The following SVOP variants were observed in gnomAD, a reference collection of about 807,000 sequenced individuals.
The protein encoded by SVOP is synaptic vesicle 2-related protein.
Under a neutral mutation model 69.1 loss-of-function variants are expected in SVOP, and 17 were observed. The observed-to-expected ratio is 0.25, with a 90% CI of 0.17 to 0.37. The LOEUF (loss-of-function observed/expected upper bound fraction) is 0.37. SVOP is among the 10% of genes least tolerant of loss of function. The pLI is 1.00. For synonymous variants in SVOP, 238 were observed against 238.6 expected (o/e 1.00, Z 0.02); for missense variants, 435 against 597.5 (o/e 0.73, Z 2.84).
At chr12:108,958,292 C>G (rs760728871) in intron 6 of SVOP, among the ~76,000 whole-genome samples, 2 of 139,224 alleles carry the variant, frequency 1.4e-5, no homozygotes, top group African/African-American at 2.5e-5. Context: ...GTGTAAGGTA[C>G]CATGCCTGGC....
intron 1 of SVOP, among the ~76,000 whole-genome samples, chr12:109,017,833 T>G (rs1412633774): frequency 6.6e-6 from 1 of 152,086 alleles, no homozygotes; most frequent in Admixed American, 6.6e-5. Flanking sequence ...CATGACCCAC[T>G]GCACCTGGCC....
chr12:109,009,962 T>G (rs2040331438), intron 1 of SVOP, among the ~76,000 whole-genome samples: 1 of 151,756 alleles, frequency 6.6e-6, no homozygotes, highest in Non-Finnish European at 1.5e-5. Flanking sequence ...GAGATACTAT[T>G]AATAATTACA....
chr12:108,945,489 T>C (rs1030489665), intron 6 of SVOP, among the ~76,000 whole-genome samples: 10 of 152,114 alleles, frequency 6.6e-5, no homozygotes, highest in Non-Finnish European at 1.5e-4. Flanking sequence ...ACTCCTGGGC[T>C]CAAGTGATCC....
At chr12:108,953,252 G>T (rs1474124949) in intron 6 of SVOP, among the ~76,000 whole-genome samples, 2 of 146,696 alleles carry the variant, frequency 1.4e-5, no homozygotes, top group Non-Finnish European at 3.0e-5. Context: ...GGGTTCAAGC[G>T]ATTCTCCTGC....
chr12:108,945,728 T>A (rs1015209096), intron 6 of SVOP, among the ~76,000 whole-genome samples: 7 of 152,150 alleles, frequency 4.6e-5, no homozygotes, highest in African/African-American at 1.4e-4. Context: ...TCAAATTTCC[T>A]AACTGCTGCC....
chr12:108,988,708 G>A (rs998463829), intron 1 of SVOP, among the ~76,000 whole-genome samples: 3 of 149,782 alleles, frequency 2.0e-5, no homozygotes, highest in African/African-American at 4.9e-5. Context: ...TCCCTTGAGA[G>A]ATTCTATATG....
chr12:108,964,369 T>C (rs2040033600), intron 5 of SVOP, among the ~76,000 whole-genome samples: 2 of 151,890 alleles, frequency 1.3e-5, no homozygotes, highest in Admixed American at 1.3e-4. Context: ...ATCCCTTTCT[T>C]TTGGCTTAAG....
chr12:108,948,022 G>A (rs2039934615), intron 6 of SVOP, among the ~76,000 whole-genome samples: 1 of 152,106 alleles, frequency 6.6e-6, no homozygotes, highest in African/African-American at 2.4e-5. Flanking sequence ...AACTGAAGCT[G>A]CATCACCCCA....
intron 1 of SVOP, among the ~76,000 whole-genome samples, chr12:109,018,273 T>C (rs1315524077): frequency 6.6e-6 from 1 of 152,208 alleles, no homozygotes; most frequent in African/African-American, 2.4e-5. Flanking sequence ...CTCCTCTATG[T>C]GGTGCTGTCC....
At position 108,974,574 on chromosome 12, in the gene SVOP, T is replaced by TA. The variant is rs574036134; in HGVS notation, c.382-2099dup. 4.5e-3 allele frequency among the ~76,000 whole-genome samples: 682 copies of TA among 151,692 alleles called. 9 individuals carry two copies. Among genetic ancestry groups the TA allele is most frequent in the African/African-American group, 0.016 (652 of 41,332 alleles). On this transcript the variant is annotated intron_variant, in intron 4 of 15. Coordinates refer to ENST00000610966, the MANE Select transcript of SVOP (RefSeq NM_018711.5). Reference sequence around the variant, plus strand: ...GGTGAAACTCTGTCTCTACTAAAAGTAAAAAAATTAGCTGGGCATGGTGGC... The same window carrying TA: ...GGTGAAACTCTGTCTCTACTAAAAGTAAAAAAAATTAGCTGGGCATGGTGGC...
At chr12:108,934,354 G>A (rs1258877164) in intron 10 of SVOP, 83 bp from the exon 11 acceptor site, 3 of 1,172,402 alleles carry the variant, frequency 2.6e-6, no homozygotes, top group African/African-American at 3.1e-5. Flanking sequence ...AAGGGCCAAT[G>A]TCTACAGCAG....
rs1008119028 is a variant in SVOP, at chr12:108,988,962, G to A, written c.36-5201C>T. On this transcript the variant is annotated intron_variant, in intron 1 of 15. Transcript: ENST00000610966. ...TAATTTTTGTATTTTTAGTAAAGAC[G>A]GGGTTTCACCATATTGGCCAGGCTG... is the stretch of plus-strand genomic sequence containing the variant. 6.0e-5 allele frequency among the ~76,000 whole-genome samples: 9 copies of A among 151,040 alleles called. No individual in the cohort carries two copies. The South Asian group carries it at 1.0e-3, about 18-fold the overall frequency.
chr12:108,972,829 T>C (rs957050061), intron 4 of SVOP, among the ~76,000 whole-genome samples: 91 of 152,332 alleles, frequency 6.0e-4, no homozygotes, highest in Non-Finnish European at 4.7e-4. Flanking sequence ...AAAGAAACAC[T>C]TGCCCTGCTG....
At chr12:108,965,110 G>A (rs931310093) in intron 5 of SVOP, among the ~76,000 whole-genome samples, 5 of 152,218 alleles carry the variant, frequency 3.3e-5, no homozygotes, top group South Asian at 2.1e-4. Context: ...CTGGGCTACC[G>A]TAAGGAACAT....
chr12:108,957,475 T>C (rs560914486), intron 6 of SVOP, among the ~76,000 whole-genome samples: 1 of 152,274 alleles, frequency 6.6e-6, no homozygotes, highest in Non-Finnish European at 1.5e-5. Context: ...CATTAGACTT[T>C]AAGCAACAGC....
chr12:108,919,500 T>G (rs897959998), intron 13 of SVOP, among the ~76,000 whole-genome samples, 175 bp downstream of exon 13: 1 of 151,176 alleles, frequency 6.6e-6, no homozygotes, highest in Non-Finnish European at 1.5e-5. Flanking sequence ...CACCAACACA[T>G]GCACTCACAC....
At chr12:108,942,000 C>G (rs562372069) in intron 7 of SVOP, among the ~76,000 whole-genome samples, 1 of 152,262 alleles carries the variant, frequency 6.6e-6, no homozygotes, top group African/African-American at 2.4e-5. Flanking sequence ...ACTCTCCATT[C>G]CCCTCCATCC....
At chr12:108,915,714 G>T in intron 15 of SVOP, 69 bp downstream of exon 15, 1 of 1,488,322 alleles carries the variant, frequency 6.7e-7, no homozygotes, top group Non-Finnish European at 9.1e-7. Flanking sequence ...CAGTCGGCAT[G>T]TAGTAACTGC....
chr12:109,006,043 G>GTTGTTTTGTT lies in SVOP; in HGVS notation c.35+14781_35+14790dup, dbSNP rs5800841. On this transcript the variant is annotated intron_variant, in intron 1 of 15. Coordinates refer to ENST00000610966, the MANE Select transcript of SVOP (RefSeq NM_018711.5). The stretch of plus-strand genomic sequence containing the variant: ...AGGAGGAATCAATGGAGGAAAGTGG[G>GTTGTTTTGTT]TTGTTTTGTTTTGTTTTGTTTTGTT... 1.1e-3 allele frequency among the ~76,000 whole-genome samples: 167 copies of GTTGTTTTGTT among 152,034 alleles called. 3 individuals are homozygous for GTTGTTTTGTT. The South Asian group carries it at 0.02, about 18-fold the overall frequency.
Sources: gnomAD v4.1 joint callset for allele counts (sites outside exome capture counted in the v4.1 genomes callset) on GRCh38, gnomAD v4.1.1 for gene constraint, MANE v1.5 for transcripts, NCBI Gene and HGNC (gene_info 2026-07-23, HGNC 2026-07-21) for gene names.